Variants in PLA2G10 observed in about 807,000 individuals in gnomAD.
The protein encoded by PLA2G10 is group 10 secretory phospholipase A2.
PLA2G10 carries 9 observed loss-of-function variants against 7.9 expected under a neutral mutation model. The observed-to-expected ratio is 1.14, with a 90% CI of 0.68 to 1.98. PLA2G10 has a LOEUF of 1.98. Ranked by LOEUF, PLA2G10 falls within the 30% of genes most tolerant of loss-of-function variation. The probability of loss-of-function intolerance (pLI) is 0.00; values close to 1 mark genes in which losing one functional copy is unlikely to be tolerated. For synonymous variants in PLA2G10, 19 were observed against 27.5 expected (o/e 0.69, Z 0.97); for missense variants, 53 against 65.4 (o/e 0.81, Z 0.66).
chr16:14,677,567 A>T (rs551623534), intron 3 of PLA2G10, among the ~76,000 whole-genome samples: 4 of 152,130 alleles, frequency 2.6e-5, no homozygotes, highest in African/African-American at 9.7e-5. Flanking sequence ...GGGTTTTACC[A>T]TGTTGGCCAG....
chr16:14,681,559 C>T (rs890097466), intron 3 of PLA2G10, among the ~76,000 whole-genome samples: 2 of 151,712 alleles, frequency 1.3e-5, no homozygotes, highest in Non-Finnish European at 2.9e-5. Context: ...GAATAGCTCC[C>T]GAGGCTTAAG....
chr16:14,681,554 G>C lies in PLA2G10; in HGVS notation c.355+6611C>G, dbSNP rs144437866. 2.7e-3 allele frequency among the ~76,000 whole-genome samples: 403 copies of C among 152,010 alleles called. 1 individual carries two copies. Among genetic ancestry groups the C allele is most frequent in the African/African-American group, 4.3e-3 (180 of 41,470 alleles). On this transcript the variant is annotated intron_variant, in intron 3 of 3. Transcript: ENST00000438167. ...GAATAAAAATTTGAAAGGAAGAATA[G>C]CTCCCGAGGCTTAAGTTTAAAATTA...
intron 3 of PLA2G10, chr16:14,678,796 T>C (rs775160123): frequency 3.1e-5 from 11 of 357,066 alleles, no homozygotes; most frequent in Non-Finnish European, 5.6e-5. Context: ...TCAGGTCATG[T>C]CCCTCCCCTG....
intron 3 of PLA2G10, chr16:14,678,742 C>T: frequency 2.5e-6 from 1 of 400,266 alleles, no homozygotes; most frequent in Non-Finnish European, 4.9e-6. Flanking sequence ...TGCACTCCAG[C>T]CTGGGTGACA....
At chr16:14,678,489 C>A (rs1252952993) in intron 3 of PLA2G10, among the ~76,000 whole-genome samples, 2 of 152,204 alleles carry the variant, frequency 1.3e-5, no homozygotes, top group Non-Finnish European at 2.9e-5. Flanking sequence ...CATATCAAGG[C>A]CGAGTGTGGT....
At chr16:14,680,096 C>T in intron 3 of PLA2G10, among the ~76,000 whole-genome samples, 1 of 137,714 alleles carries the variant, frequency 7.3e-6, no homozygotes. Context: ...TTTCTTTTTG[C>T]TTTTCTTTTT....
chr16:14,680,416 G>C (rs979125286), intron 3 of PLA2G10, among the ~76,000 whole-genome samples: 4 of 148,822 alleles, frequency 2.7e-5, no homozygotes, highest in Non-Finnish European at 6.0e-5. Flanking sequence ...GTTGAGGCAG[G>C]GTCTCACTCT....
At chr16:14,677,761 TGGCTGGATAGATG>T (rs940771247) in intron 3 of PLA2G10, among the ~76,000 whole-genome samples, 10 of 150,102 alleles carry the variant, frequency 6.7e-5, no homozygotes, top group Admixed American at 6.6e-5. Context: ...GGACAATGGA[TGGCTGGATAGATG>T]GATGGTGGGT....
chr16:14,675,630 G>GA (rs1299106820), intron 3 of PLA2G10, among the ~76,000 whole-genome samples: 5 of 151,904 alleles, frequency 3.3e-5, no homozygotes, highest in Admixed American at 3.3e-4. Flanking sequence ...AAGAAGAAAA[G>GA]AAAAAACCTC....
Position 14,672,664 on chromosome 16 carries a change from T to A in PLA2G10, c.441A>T (p.Leu147Phe), listed in dbSNP as rs747549327. 1.2e-6 allele frequency: 2 copies of A among 1,614,140 alleles called. No individual in the cohort carries two copies. The highest frequency in any genetic ancestry group is 2.2e-5 in the South Asian group (2 of 91,086). ...GGAACTGGGGGTAGAAGAGGTACTT[T>A]AAGTTGTACTCAGTTTGGGCTAAGC... ...ANCLAQTEYN[L>F]KYLFYPQFLC... Residue 147 changes from leucine to phenylalanine, a missense_variant, in exon 4 of 4, where the codon TTA becomes TTT. Leu to Phe is a conservative substitution (Grantham distance 22). Around this residue, in one of 2 missense-constraint regions of PLA2G10, gnomAD observed 48 missense variants for 47.0 expected, o/e 1.02. Coordinates refer to ENST00000438167, the MANE Select transcript of PLA2G10 (RefSeq NM_003561.3).
chr16:14,681,409 A>G (rs774713564), intron 3 of PLA2G10, among the ~76,000 whole-genome samples: 15 of 152,050 alleles, frequency 9.9e-5, no homozygotes, highest in Non-Finnish European at 1.9e-4. Context: ...CTCCTGACCC[A>G]ACAACGCCTC....
rs149200955 is a variant in PLA2G10 at position 14,674,310 on chromosome 16, C to T, written c.356-1561G>A. On this transcript the variant is annotated intron_variant, in intron 3 of 3. Coordinates refer to ENST00000438167, the MANE Select transcript of PLA2G10 (RefSeq NM_003561.3). ...AATGTAATGAAAATGACCATACTAC[C>T]CAAAGCAATCTACAGATTCAATGCA... 4.5e-4 allele frequency among the ~76,000 whole-genome samples: 68 copies of T among 152,228 alleles called. No individual in the cohort carries two copies. The East Asian group carries it at 0.012, about 28-fold the overall frequency.
At chr16:14,679,672 A>T (rs985926137) in intron 3 of PLA2G10, among the ~76,000 whole-genome samples, 1 of 150,144 alleles carries the variant, frequency 6.7e-6, no homozygotes, top group African/African-American at 2.5e-5. Flanking sequence ...AAAAAAAAAA[A>T]AAATAATAAT....
At chr16:14,686,854 C>G in intron 3 of PLA2G10, among the ~76,000 whole-genome samples, 1 of 152,048 alleles carries the variant, frequency 6.6e-6, no homozygotes, top group Admixed American at 6.6e-5. Flanking sequence ...ACCTGTAATT[C>G]CAGCACTTTG....
At chr16:14,680,977 C>T (rs1012711215) in intron 3 of PLA2G10, among the ~76,000 whole-genome samples, 2 of 151,916 alleles carry the variant, frequency 1.3e-5, no homozygotes, top group African/African-American at 4.8e-5. Flanking sequence ...GCCTGGCCAA[C>T]ATGATGAAAC....
intron 3 of PLA2G10, among the ~76,000 whole-genome samples, chr16:14,687,763 G>C (rs1484523809): frequency 6.6e-6 from 1 of 151,772 alleles, no homozygotes; most frequent in Non-Finnish European, 1.5e-5. Flanking sequence ...TTGGGAGGCC[G>C]AGGCGGGCAG....
chr16:14,684,195 T>A (rs1423791589), intron 3 of PLA2G10, among the ~76,000 whole-genome samples: 2 of 150,904 alleles, frequency 1.3e-5, no homozygotes, highest in Non-Finnish European at 3.0e-5. Context: ...CCGTCTCTAC[T>A]AAAAAATATA....
At chr16:14,681,315 A>G (rs1960886059) in intron 3 of PLA2G10, among the ~76,000 whole-genome samples, 1 of 152,126 alleles carries the variant, frequency 6.6e-6, no homozygotes, top group Non-Finnish European at 1.5e-5. Context: ...TTTACAGATG[A>G]GGAAAGTGAG....
intron 3 of PLA2G10, among the ~76,000 whole-genome samples, chr16:14,675,602 C>CA (rs1260853844): frequency 6.6e-6 from 1 of 152,006 alleles, no homozygotes; most frequent in Non-Finnish European, 1.5e-5. Context: ...CCTGAATCTA[C>CA]AAAAAACTCA....
Sources: allele counts gnomAD v4.1 joint callset (sites outside exome capture counted in the v4.1 genomes callset), GRCh38; gene constraint gnomAD v4.1.1; regional missense constraint gnomAD v4.1.1; transcripts MANE v1.5; gene names NCBI Gene and HGNC (gene_info 2026-07-23, HGNC 2026-07-21).